RPTOR: variants seen among roughly 807,000 people sequenced by gnomAD.
RPTOR encodes the protein regulatory-associated protein of mTOR.
Under a neutral mutation model 169.9 loss-of-function variants are expected in RPTOR, and 21 were observed. The ratio of observed to expected loss-of-function variants is 0.12; its 90% CI spans 0.09 to 0.18. The LOEUF (loss-of-function observed/expected upper bound fraction) is 0.18, where lower values mean the gene tolerates loss of function less well. RPTOR is among the 10% of genes least tolerant of loss of function. The pLI, the probability that RPTOR is intolerant of heterozygous loss-of-function variation, is 1.00. For missense variants in RPTOR, 1,133 were observed against 1,855.9 expected (o/e 0.61, Z 7.16); for synonymous variants, 732 against 753.2 (o/e 0.97, Z 0.46).
intron 3 of RPTOR, among the ~76,000 whole-genome samples, chr17:80,650,292 C>T (rs2065629749): frequency 6.6e-6 from 1 of 152,222 alleles, no homozygotes; most frequent in Non-Finnish European, 1.5e-5. Flanking sequence ...GATTGAAGAG[C>T]ACGCGTGTTG....
chr17:80,813,040 G>A (rs1438632229), intron 7 of RPTOR, among the ~76,000 whole-genome samples: 1 of 152,242 alleles, frequency 6.6e-6, no homozygotes, highest in Non-Finnish European at 1.5e-5. Context: ...CTGCAGCCCA[G>A]CTGACAGAGA....
At chr17:80,829,917 TG>T (rs2067485020) in intron 9 of RPTOR, among the ~76,000 whole-genome samples, 1 of 152,198 alleles carries the variant, frequency 6.6e-6, no homozygotes, top group African/African-American at 2.4e-5. Context: ...ACATGTTCTC[TG>T]GGGTAGGTTT....
intron 1 of RPTOR, among the ~76,000 whole-genome samples, chr17:80,579,025 C>A (rs892834900): frequency 6.6e-6 from 1 of 152,148 alleles, no homozygotes; most frequent in Non-Finnish European, 1.5e-5. Context: ...GCTTTGTCCC[C>A]TTGCAACTTA....
At chr17:80,613,844 GA>G (rs1218216300) in intron 1 of RPTOR, among the ~76,000 whole-genome samples, 6 of 149,376 alleles carry the variant, frequency 4.0e-5, no homozygotes, top group South Asian at 2.1e-4. Context: ...AAGCGGTGTT[GA>G]GACTCGGGCT....
At chr17:80,864,461 A>AGGTGAGCGTGAT (rs1468794279) in intron 13 of RPTOR, among the ~76,000 whole-genome samples, 1 of 152,268 alleles carries the variant, frequency 6.6e-6, no homozygotes, top group Admixed American at 6.5e-5. Flanking sequence ...CAGATGGAAA[A>AGGTGAGCGTGAT]GGCAGACAGC....
chr17:80,666,365 G>A (rs1367364065), intron 3 of RPTOR, among the ~76,000 whole-genome samples: 1 of 152,164 alleles, frequency 6.6e-6, no homozygotes, highest in Admixed American at 6.5e-5. Flanking sequence ...ATGGAGACTA[G>A]AAGAAGTGCT....
intron 3 of RPTOR, among the ~76,000 whole-genome samples, chr17:80,672,217 G>A (rs1402784570): frequency 6.6e-6 from 1 of 152,130 alleles, no homozygotes; most frequent in Non-Finnish European, 1.5e-5. Flanking sequence ...GAGAGTTACA[G>A]GGGAGAGGAA....
At chr17:80,877,224 A>G (rs1421919597) in intron 13 of RPTOR, among the ~76,000 whole-genome samples, 1 of 152,214 alleles carries the variant, frequency 6.6e-6, no homozygotes, top group African/African-American at 2.4e-5. Flanking sequence ...AGCAGCCGAG[A>G]GAGTCCACCC....
intron 5 of RPTOR, among the ~76,000 whole-genome samples, chr17:80,748,205 CGTGGCGGG>C (rs2066596027): frequency 3.6e-5 from 4 of 110,364 alleles, no homozygotes; most frequent in Admixed American, 8.4e-5. Flanking sequence ...GTTTGGAGGC[CGTGGCGGG>C]AGGGCCTGTT....
intron 6 of RPTOR, among the ~76,000 whole-genome samples, chr17:80,790,673 T>G (rs2067038524): frequency 6.6e-6 from 1 of 152,204 alleles, no homozygotes; most frequent in African/African-American, 2.4e-5. Context: ...CATCACTCAC[T>G]TCCAGCCAAC....
At chr17:80,757,423 G>A (rs1419905568) in intron 6 of RPTOR, among the ~76,000 whole-genome samples, 3 of 152,114 alleles carry the variant, frequency 2.0e-5, no homozygotes, top group Non-Finnish European at 4.4e-5. Context: ...CTTTCTGAAC[G>A]CAGATCTCTT....
Position 80,651,535 on chromosome 17 carries a change from A to ATT in RPTOR, c.348+7731_348+7732dup, listed in dbSNP as rs11421875. ...CTTGTTGGTATGACACATAATGGAG[A>ATT]TTTTTTTAAAATGGACATACGAAGC... On this transcript the variant is annotated intron_variant, in intron 3 of 33. Coordinates refer to ENST00000306801, the MANE Select transcript of RPTOR (RefSeq NM_020761.3). The surrounding 1 kb of genome is among the most constrained non-coding windows in gnomAD (Gnocchi z 4.1). Among the ~76,000 whole-genome samples the ATT allele has an allele frequency of 6.6e-6, 1 of 151,868 alleles. No individual in the cohort carries two copies.
intron 3 of RPTOR, among the ~76,000 whole-genome samples, chr17:80,648,509 T>G (rs1399170850): frequency 6.6e-6 from 1 of 151,912 alleles, no homozygotes; most frequent in Non-Finnish European, 1.5e-5. Context: ...GTGAAACCCT[T>G]GGTATTGAGT....
At chr17:80,780,869 T>C (rs929211609) in intron 6 of RPTOR, among the ~76,000 whole-genome samples, 1 of 152,220 alleles carries the variant, frequency 6.6e-6, no homozygotes, top group Admixed American at 6.5e-5. Flanking sequence ...CTGATTTCCC[T>C]AATTGAGTTT....
At chr17:80,780,673 G>T (rs914843497) in intron 6 of RPTOR, among the ~76,000 whole-genome samples, 2 of 152,094 alleles carry the variant, frequency 1.3e-5, no homozygotes, top group Admixed American at 1.3e-4. Flanking sequence ...TACATATTAG[G>T]AATTTGCACA....
At chr17:80,885,457 A>G (rs1051265636) in intron 17 of RPTOR, among the ~76,000 whole-genome samples, 5 of 148,602 alleles carry the variant, frequency 3.4e-5, no homozygotes, top group Non-Finnish European at 7.5e-5. Context: ...AGCCACCCAC[A>G]GATGGCGGGA....
intron 10 of RPTOR, among the ~76,000 whole-genome samples, chr17:80,840,795 C>A (rs552131161): frequency 7.8e-6 from 1 of 128,872 alleles, no homozygotes; most frequent in African/African-American, 3.0e-5. Context: ...TCACACTCAC[C>A]GCACGGCAGC....
At position 80,619,023 on chromosome 17, in the gene RPTOR, A is replaced by C. The variant is rs1241488395; in HGVS notation, c.163-6668A>C. Reference sequence around the variant, plus strand: ...ATCTACTCTCTTTGCTATGTGTTCTAGTTTCTGACTCTCTTTATAAATTAT... The same window carrying C: ...ATCTACTCTCTTTGCTATGTGTTCTCGTTTCTGACTCTCTTTATAAATTAT... On this transcript the variant is annotated intron_variant, in intron 1 of 33. Coordinates refer to ENST00000306801, the MANE Select transcript of RPTOR (RefSeq NM_020761.3). 2.6e-5 allele frequency among the ~76,000 whole-genome samples: 4 copies of C among 152,136 alleles called. No individual in the cohort carries two copies. The South Asian group carries it at 8.3e-4, about 32-fold the overall frequency.
At chr17:80,816,512 G>A (rs763124962) in intron 7 of RPTOR, among the ~76,000 whole-genome samples, 31 of 152,264 alleles carry the variant, frequency 2.0e-4, no homozygotes, top group Admixed American at 1.8e-3. Flanking sequence ...GAAGGGAAGC[G>A]CCTTGTCGTG....
Sources: allele counts gnomAD v4.1 joint callset (sites outside exome capture counted in the v4.1 genomes callset), GRCh38; gene constraint gnomAD v4.1.1; non-coding constraint Gnocchi (gnomAD v3.1); transcripts MANE v1.5; gene names NCBI Gene and HGNC (gene_info 2026-07-23, HGNC 2026-07-21).